REPS2: variants seen among roughly 807,000 people sequenced by gnomAD.
REPS2 encodes ralBP1-associated Eps domain-containing protein 2.
Under a neutral mutation model 53.6 loss-of-function variants are expected in REPS2, and 23 were observed. That is an observed-to-expected ratio of 0.43 (90% confidence interval 0.31 to 0.61). The LOEUF (loss-of-function observed/expected upper bound fraction) is 0.61. REPS2 is among the 20% of genes least tolerant of loss of function. The probability of loss-of-function intolerance (pLI) is 0.11; values close to 1 mark genes in which losing one functional copy is unlikely to be tolerated. For synonymous variants in REPS2, 238 were observed against 218.6 expected (o/e 1.09, Z -0.78); for missense variants, 446 against 534.9 (o/e 0.83, Z 1.64).
intron 14 of REPS2, among the ~76,000 whole-genome samples, chrX:17,131,171 G>A (rs902175588): frequency 9.0e-6 from 1 of 111,304 alleles, no homozygotes; most frequent in Non-Finnish European, 1.9e-5. Flanking sequence ...AATGGGTGGA[G>A]CAACTAAAGA....
intron 14 of REPS2, among the ~76,000 whole-genome samples, chrX:17,126,798 A>T (rs1249254509): frequency 9.0e-6 from 1 of 111,694 alleles, no homozygotes; most frequent in Non-Finnish European, 1.9e-5. Flanking sequence ...GCACAACAGG[A>T]GAGTTGCAGA....
chrX:16,985,140 G>T (rs1692838295), intron 1 of REPS2, among the ~76,000 whole-genome samples: 1 of 111,040 alleles, frequency 9.0e-6, no homozygotes, highest in African/African-American at 3.3e-5. Flanking sequence ...CGTTAAATTA[G>T]ATTTCTATGA....
intron 13 of REPS2, among the ~76,000 whole-genome samples, chrX:17,095,687 C>G (rs2062688093): frequency 9.0e-6 from 1 of 110,996 alleles, no homozygotes; most frequent in Non-Finnish European, 1.9e-5. Context: ...GCCCCTGAAG[C>G]CAAAAACAGC....
At chrX:17,160,124 G>C in the REPS2 span, among the ~76,000 whole-genome samples, 1 of 112,936 alleles carries the variant, frequency 8.9e-6, no homozygotes, top group East Asian at 2.8e-4. Flanking sequence ...CAGAACTTGT[G>C]AATGATGAAC....
intron 13 of REPS2, among the ~76,000 whole-genome samples, chrX:17,102,847 A>G (rs1381709027): frequency 6.2e-5 from 7 of 112,871 alleles, no homozygotes; most frequent in Admixed American, 9.4e-5. Context: ...AAATTTGCAA[A>G]TAAACTACAT....
At chrX:17,139,261 T>C (rs1483980713) in intron 17 of REPS2, among the ~76,000 whole-genome samples, 1 of 112,092 alleles carries the variant, frequency 8.9e-6, no homozygotes, top group Non-Finnish European at 1.9e-5. Flanking sequence ...GACTTTAATA[T>C]GTAGGCTTCA....
chrX:16,969,510 G>C lies in REPS2; in HGVS notation c.273+22376G>C, dbSNP rs1266318607. On this transcript the variant is annotated intron_variant, in intron 1 of 17. Transcript: ENST00000357277. Reference sequence around the variant, plus strand: ...AGGCCGAGGCTGGCGGATCACTCCCGGTTAGGAGCTGGAGACCAGCCCGGC... The same window carrying C: ...AGGCCGAGGCTGGCGGATCACTCCCCGTTAGGAGCTGGAGACCAGCCCGGC... Among the ~76,000 whole-genome samples, 8 of 107,815 alleles carry C rather than the reference G, an allele frequency of 7.4e-5. No homozygotes were observed. In the East Asian group the frequency reaches 2.1e-3, roughly 28 times the overall value. The allele number at this position is 107,815 out of a possible 115,157, so 93.6% of individuals were successfully genotyped here.
chrX:17,163,261 A>G, the REPS2 span, among the ~76,000 whole-genome samples: 3 of 111,920 alleles, frequency 2.7e-5, no homozygotes, highest in Admixed American at 2.8e-4. Flanking sequence ...AGAAAGAATC[A>G]GTGAACTTGA....
the REPS2 span, among the ~76,000 whole-genome samples, chrX:17,191,837 A>G: frequency 8.9e-6 from 1 of 112,455 alleles, no homozygotes; most frequent in African/African-American, 3.2e-5. Flanking sequence ...ACAACAGATC[A>G]GCACTGAAGA....
downstream of REPS2, among the ~76,000 whole-genome samples, chrX:17,155,835 T>C (rs1322867646): frequency 1.8e-5 from 2 of 111,827 alleles, no homozygotes; most frequent in Admixed American, 9.5e-5. Flanking sequence ...TAGTGAATGA[T>C]GTGAGACTTT....
intron 14 of REPS2, among the ~76,000 whole-genome samples, chrX:17,120,525 C>A (rs1345050615): frequency 9.0e-6 from 1 of 111,635 alleles, no homozygotes; most frequent in African/African-American, 3.3e-5. Context: ...CCATAGTCAA[C>A]CCTCAATAAC....
At chrX:17,027,736 T>C (rs2061664578) in intron 4 of REPS2, among the ~76,000 whole-genome samples, 1 of 104,677 alleles carries the variant, frequency 9.6e-6, no homozygotes, top group African/African-American at 3.5e-5. Flanking sequence ...AAACCTCTTG[T>C]AAGGGGATCA....
At chrX:16,964,253 A>G (rs1345450551) in intron 1 of REPS2, among the ~76,000 whole-genome samples, 3 of 109,180 alleles carry the variant, frequency 2.7e-5, no homozygotes, top group Non-Finnish European at 5.7e-5. Context: ...GCTGCCTTCA[A>G]GCATCTGTTT....
At chrX:16,962,356 G>A (rs188722405) in intron 1 of REPS2, among the ~76,000 whole-genome samples, 76 of 103,522 alleles carry the variant, frequency 7.3e-4, no homozygotes, top group Non-Finnish European at 1.1e-3. Context: ...CCTTAAAAAA[G>A]GAGATCATGC....
intron 13 of REPS2, 132 bp downstream of exon 13, chrX:17,077,539 C>T: frequency 6.5e-6 from 4 of 619,195 alleles, no homozygotes; most frequent in South Asian, 4.0e-5. Context: ...AAGGTCTTCA[C>T]GTGGCTATGG....
chrX:17,130,052 G>T (rs1472783929), intron 14 of REPS2, among the ~76,000 whole-genome samples: 1 of 112,352 alleles, frequency 8.9e-6, no homozygotes. Context: ...GCAAGAAGGG[G>T]CCTCAGGTTC....
At chrX:17,085,719 A>T (rs2062524545) in intron 13 of REPS2, among the ~76,000 whole-genome samples, 1 of 111,515 alleles carries the variant, frequency 9.0e-6, no homozygotes, top group African/African-American at 3.3e-5. Context: ...TGCTCTGTTA[A>T]AAACCGTATT....
At chrX:17,075,851 G>A in intron 12 of REPS2, among the ~76,000 whole-genome samples, 1 of 112,326 alleles carries the variant, frequency 8.9e-6, no homozygotes, top group African/African-American at 3.2e-5. Flanking sequence ...GGCATAGAAA[G>A]CTCTTTTCAT....
chrX:16,975,648 GGTTAAATTACTGTTTGCTTAAGT>G (rs1381843462), intron 1 of REPS2, among the ~76,000 whole-genome samples: 1 of 111,408 alleles, frequency 9.0e-6, no homozygotes, highest in African/African-American at 3.3e-5. Flanking sequence ...TTGATCATTT[GGTTAAATTACTGTTTGCTTAAGT>G]GTTAACTATT....
Sources: allele counts gnomAD v4.1 joint callset (sites outside exome capture counted in the v4.1 genomes callset), GRCh38; gene constraint gnomAD v4.1.1; transcripts MANE v1.5; gene names NCBI Gene and HGNC (gene_info 2026-07-23, HGNC 2026-07-21).